Variants in CDH20 observed in about 807,000 individuals in gnomAD.
CDH20 encodes the protein cadherin 20, also known as cadherin-20.
Under a neutral mutation model 74.2 loss-of-function variants are expected in CDH20, and 29 were observed. That is an observed-to-expected ratio of 0.39 (90% CI 0.29 to 0.53). The LOEUF (loss-of-function observed/expected upper bound fraction) is 0.53. Among genes scored for constraint, CDH20 ranks in the 20% least tolerant of loss-of-function variants. The pLI, the probability that CDH20 is intolerant of heterozygous loss-of-function variation, is 0.69. For missense variants in CDH20, 988 were observed against 1,048.3 expected (o/e 0.94, Z 0.79); for synonymous variants, 469 against 405.4 (o/e 1.16, Z -1.88).
chr18:61,433,876 G>T (rs985326834), intron 1 of CDH20, among the ~76,000 whole-genome samples: 2 of 152,086 alleles, frequency 1.3e-5, no homozygotes, highest in African/African-American at 4.8e-5. Context: ...TATAGAAAAT[G>T]TCACTTCTGT....
chr18:61,545,135 G>C lies in CDH20; in HGVS notation c.1639G>C (p.Asp547His), dbSNP rs1913195727. 2 of 1,605,178 alleles carry C rather than the reference G, an allele frequency of 1.2e-6. No individual in the cohort carries two copies. Among genetic ancestry groups the C allele is most frequent in the Admixed American group, 1.7e-5 (1 of 59,990 alleles). Residue 547 changes from aspartate (D) to histidine (H), a missense_variant, in exon 10 of 12, where the codon GAC becomes CAC. This residue lies in a region of CDH20 where 613 missense variants were observed against 755.2 expected (regional missense o/e 0.81). Transcript: ENST00000262717. ...TAACAACCCCAACTTTACCATAAGG[G>C]ACAACCAAGGTAATCAGGTGGATGG... The part of the protein sequence containing the change: ...AANNPNFTIR[D>H]NQDNTARILT...
At chr18:61,398,040 G>A (rs1222341439) in intron 1 of CDH20, among the ~76,000 whole-genome samples, 1 of 152,188 alleles carries the variant, frequency 6.6e-6, no homozygotes, top group Non-Finnish European at 1.5e-5. Flanking sequence ...AAGTCAGAGT[G>A]CAACAAGATC....
At position 61,386,050 on chromosome 18, in the gene CDH20, C is replaced by A. The variant is rs138121619; in HGVS notation, c.-153+52223C>A. ...CTTAAAAAATAAGGTATGCTTTATA[C>A]CTACCAAAATAGCAAACATTTCAAA... is the stretch of plus-strand genomic sequence containing the variant. On this transcript the variant is annotated intron_variant, in intron 1 of 11. Coordinates refer to ENST00000262717, the MANE Select transcript of CDH20 (RefSeq NM_031891.4). Among the ~76,000 whole-genome samples the A allele has an allele frequency of 2.2e-3, 329 of 152,052 alleles. 2 individuals carry two copies. Among genetic ancestry groups the A allele is most frequent in the Non-Finnish European group, 3.1e-3 (208 of 67,976 alleles).
At chr18:61,371,809 T>G (rs1180637829) in intron 1 of CDH20, among the ~76,000 whole-genome samples, 1 of 74,396 alleles carries the variant, frequency 1.3e-5, no homozygotes, top group Non-Finnish European at 2.7e-5. Flanking sequence ...CATTACGGTA[T>G]AGGAAAATAC....
At chr18:61,491,154 GT>G (rs1910948191) in intron 2 of CDH20, among the ~76,000 whole-genome samples, 1 of 152,136 alleles carries the variant, frequency 6.6e-6, no homozygotes, top group African/African-American at 2.4e-5. Context: ...AGAGTACAGA[GT>G]TTTTTGCTTT....
chr18:61,459,032 G>A (rs981551161), intron 1 of CDH20, among the ~76,000 whole-genome samples: 2 of 152,100 alleles, frequency 1.3e-5, no homozygotes, highest in Non-Finnish European at 1.5e-5. Flanking sequence ...CTAGTTAATC[G>A]TACAGTAATA....
At chr18:61,368,194 G>A (rs1910921977) in intron 1 of CDH20, among the ~76,000 whole-genome samples, 1 of 151,936 alleles carries the variant, frequency 6.6e-6, no homozygotes, top group Non-Finnish European at 1.5e-5. Flanking sequence ...TAACAACCTT[G>A]ACTCCATCTG....
intron 1 of CDH20, among the ~76,000 whole-genome samples, chr18:61,408,567 C>T (rs1419423406): frequency 6.6e-6 from 1 of 152,196 alleles, no homozygotes; most frequent in Non-Finnish European, 1.5e-5. Flanking sequence ...TGGCCACAGA[C>T]ACTTCAAATC....
At chr18:61,421,693 C>T (rs1286986769) in intron 1 of CDH20, among the ~76,000 whole-genome samples, 7 of 152,036 alleles carry the variant, frequency 4.6e-5, no homozygotes, top group African/African-American at 1.7e-4. Flanking sequence ...GATATATATA[C>T]CAATTAACCT....
chr18:61,541,871 G>A (rs1227662901), intron 9 of CDH20, among the ~76,000 whole-genome samples: 1 of 152,176 alleles, frequency 6.6e-6, no homozygotes, highest in Non-Finnish European at 1.5e-5. Context: ...AACCAGCTGA[G>A]CAGAATATTG....
At chr18:61,543,423 G>A (rs1913111039) in intron 9 of CDH20, among the ~76,000 whole-genome samples, 2 of 152,138 alleles carry the variant, frequency 1.3e-5, no homozygotes, top group African/African-American at 2.4e-5. Context: ...ATATGAAGGA[G>A]GCTGCCGTTC....
At chr18:61,453,858 T>C (rs542462664) in intron 1 of CDH20, among the ~76,000 whole-genome samples, 35 of 152,296 alleles carry the variant, frequency 2.3e-4, no homozygotes, top group Admixed American at 4.6e-4. Flanking sequence ...CAGTTGCATG[T>C]TTAATTTTTT....
chr18:61,335,650 A>G (rs540476973), intron 1 of CDH20, among the ~76,000 whole-genome samples: 2 of 152,326 alleles, frequency 1.3e-5, no homozygotes, highest in East Asian at 3.9e-4. Flanking sequence ...CTCTCTGCAG[A>G]TACTCAAGTA....
chr18:61,540,390 A>T (rs778178179), intron 9 of CDH20, among the ~76,000 whole-genome samples: 11 of 152,088 alleles, frequency 7.2e-5, no homozygotes, highest in Non-Finnish European at 1.3e-4. Context: ...CATACCCAAG[A>T]CTGAGTAATT....
intron 7 of CDH20, among the ~76,000 whole-genome samples, chr18:61,531,914 GCTGAACTGTGAGTCAAACAAA>G (rs1339875315): frequency 6.6e-6 from 1 of 152,152 alleles, no homozygotes; most frequent in Non-Finnish European, 1.5e-5. Context: ...TCCCAGCCAT[GCTGAACTGTGAGTCAAACAAA>G]CCTCTTTCCC....
At chr18:61,432,647 G>A (rs1913295511) in intron 1 of CDH20, among the ~76,000 whole-genome samples, 1 of 152,154 alleles carries the variant, frequency 6.6e-6, no homozygotes, top group Non-Finnish European at 1.5e-5. Context: ...CCACCTTGTT[G>A]AACTGCATTC....
chr18:61,453,288 G>GT lies in CDH20; in HGVS notation c.-152-37107dup, dbSNP rs1255834918. Among the ~76,000 whole-genome samples, 8 of 152,074 alleles carry GT rather than the reference G, an allele frequency of 5.3e-5. No homozygotes were observed. In the South Asian group the frequency reaches 8.3e-4, roughly 16 times the overall value. On this transcript the variant is annotated intron_variant, in intron 1 of 11. Transcript: ENST00000262717. ...CCTAATCTTTTCTGTTTTTTTGTTT[G>GT]TTTTTTTGAGACGGAGTCCTGCTCT...
intron 1 of CDH20, among the ~76,000 whole-genome samples, chr18:61,355,152 A>T (rs1025446387): frequency 2.0e-5 from 3 of 152,238 alleles, no homozygotes; most frequent in Non-Finnish European, 4.4e-5. Flanking sequence ...CTTATTTCAG[A>T]TCATACTGCT....
chr18:61,375,116 C>A (rs1202446967), intron 1 of CDH20, among the ~76,000 whole-genome samples: 1 of 152,094 alleles, frequency 6.6e-6, no homozygotes, highest in South Asian at 2.1e-4. Context: ...GGCTAAGGGA[C>A]ATGTCTCATT....
Sources: gnomAD v4.1 joint callset for allele counts (sites outside exome capture counted in the v4.1 genomes callset) on GRCh38, gnomAD v4.1.1 for gene constraint, gnomAD v4.1.1 regional missense constraint, MANE v1.5 for transcripts, NCBI Gene and HGNC (gene_info 2026-07-23, HGNC 2026-07-21) for gene names.